Variants in XKR6 observed in about 807,000 individuals in gnomAD.
The protein encoded by XKR6 is XK related 6.
A neutral mutation model predicts 56.7 loss-of-function variants in XKR6; 22 were observed. The observed-to-expected ratio is 0.39, with a 90% CI of 0.28 to 0.55. The LOEUF (loss-of-function observed/expected upper bound fraction) is 0.55. Among genes scored for constraint, XKR6 ranks in the 20% least tolerant of loss-of-function variants. The pLI is 0.66. For synonymous variants in XKR6, 524 were observed against 387.8 expected (o/e 1.35, Z -4.13); for missense variants, 852 against 889.0 (o/e 0.96, Z 0.53).
At chr8:11,165,580 T>C (rs894877378) in intron 1 of XKR6, among the ~76,000 whole-genome samples, 9 of 152,148 alleles carry the variant, frequency 5.9e-5, no homozygotes, top group Admixed American at 3.9e-4. Flanking sequence ...AAACCATAAT[T>C]ATAATTTACT....
intron 1 of XKR6, among the ~76,000 whole-genome samples, chr8:11,172,117 T>A (rs1426149617): frequency 6.6e-6 from 1 of 151,178 alleles, no homozygotes; most frequent in Non-Finnish European, 1.5e-5. Flanking sequence ...AGACCTATAA[T>A]CCCAGCACGT....
intron 1 of XKR6, among the ~76,000 whole-genome samples, chr8:11,109,954 C>T (rs1336868169): frequency 2.6e-5 from 4 of 152,082 alleles, no homozygotes; most frequent in Admixed American, 2.0e-4. Context: ...TAAAAACCTA[C>T]TTAATGTTGT....
chr8:11,020,638 C>A (rs1798729447), intron 1 of XKR6, among the ~76,000 whole-genome samples: 1 of 152,202 alleles, frequency 6.6e-6, no homozygotes, highest in Admixed American at 6.5e-5. Flanking sequence ...TCCTTTCCCT[C>A]CTTTGGTCCT....
intron 1 of XKR6, among the ~76,000 whole-genome samples, chr8:11,162,690 T>C (rs981275575): frequency 1.3e-5 from 2 of 152,228 alleles, no homozygotes; most frequent in Non-Finnish European, 2.9e-5. Context: ...TAAAAATTTT[T>C]AAACATTCTT....
At chr8:11,040,712 A>G (rs1339561778) in intron 1 of XKR6, among the ~76,000 whole-genome samples, 1 of 152,152 alleles carries the variant, frequency 6.6e-6, no homozygotes, top group Non-Finnish European at 1.5e-5. Flanking sequence ...CACTAACACC[A>G]TCACTGGGCT....
At chr8:11,160,002 C>CTA (rs1318063854) in intron 1 of XKR6, among the ~76,000 whole-genome samples, 2 of 152,096 alleles carry the variant, frequency 1.3e-5, no homozygotes, top group African/African-American at 2.4e-5. Context: ...TCTGCACTAC[C>CTA]TATAGGAGCT....
At chr8:11,043,055 G>C (rs550501210) in intron 1 of XKR6, among the ~76,000 whole-genome samples, 135 of 152,310 alleles carry the variant, frequency 8.9e-4, no homozygotes, top group African/African-American at 3.0e-3. Flanking sequence ...GGCCCACCCA[G>C]AGGGGTCCTG....
chr8:11,118,356 T>C lies in XKR6; in HGVS notation c.764+82220A>G, dbSNP rs895540990. ...TTAGGGAGGATTCCCTCTTTTTCTA[T>C]TGATTGGAATAGTTTCAGAAGGAAT... On this transcript the variant is annotated intron_variant, in intron 1 of 2. Coordinates refer to ENST00000416569, the MANE Select transcript of XKR6 (RefSeq NM_173683.4). Among the ~76,000 whole-genome samples the C allele has an allele frequency of 3.2e-4, 49 of 152,342 alleles. 1 individual carries two copies. Among genetic ancestry groups the C allele is most frequent in the African/African-American group, 1.1e-3 (46 of 41,582 alleles).
chr8:11,175,730 T>G (rs1364465975), intron 1 of XKR6, among the ~76,000 whole-genome samples: 1 of 152,220 alleles, frequency 6.6e-6, no homozygotes, highest in Non-Finnish European at 1.5e-5. Context: ...CAGTATATGA[T>G]TTTTAAAGCC....
At chr8:10,973,139 A>G (rs1563320848) in intron 1 of XKR6, among the ~76,000 whole-genome samples, 1 of 152,262 alleles carries the variant, frequency 6.6e-6, no homozygotes, top group Non-Finnish European at 1.5e-5. Context: ...ATAGGACTAG[A>G]GTTTTAATTA....
At chr8:11,038,426 G>C (rs1799200048) in intron 1 of XKR6, among the ~76,000 whole-genome samples, 1 of 152,048 alleles carries the variant, frequency 6.6e-6, no homozygotes, top group East Asian at 1.9e-4. Flanking sequence ...ATTGTGTGGA[G>C]AGGCACGAAT....
intron 1 of XKR6, among the ~76,000 whole-genome samples, chr8:11,071,342 G>T (rs13265533): frequency 6.6e-6 from 1 of 152,092 alleles, no homozygotes; most frequent in Non-Finnish European, 1.5e-5. Context: ...TGGGTTCAAG[G>T]GACTCTCGTG....
In XKR6 at chr8:10,914,950, C is replaced by G. The variant is rs1295695673; in HGVS notation, c.961+9684G>C. On this transcript the variant is annotated intron_variant, in intron 2 of 2. Transcript: ENST00000416569. ...TCTCAGGACACTGTCCTCCAGGTGT[C>G]TGTCAGCCTGGCCGCCTCCCCTCCT... Among the ~76,000 whole-genome samples the G allele has an allele frequency of 2.6e-5, 4 of 152,240 alleles. No individual in the cohort carries two copies. In the East Asian group the frequency reaches 7.7e-4, roughly 29 times the overall value.
chr8:10,947,047 G>T (rs1438079243), intron 1 of XKR6, among the ~76,000 whole-genome samples: 1 of 152,148 alleles, frequency 6.6e-6, no homozygotes, highest in Non-Finnish European at 1.5e-5. Flanking sequence ...CAGGAGGCAG[G>T]CATGGTGAGG....
At chr8:11,011,088 G>C (rs1586428705) in intron 1 of XKR6, among the ~76,000 whole-genome samples, 1 of 152,262 alleles carries the variant, frequency 6.6e-6, no homozygotes, top group African/African-American at 2.4e-5. Flanking sequence ...GGCCAGCTCA[G>C]TAACTTGCCT....
chr8:10,947,000 G>A (rs1043073489), intron 1 of XKR6, among the ~76,000 whole-genome samples: 3 of 152,190 alleles, frequency 2.0e-5, no homozygotes, highest in African/African-American at 7.2e-5. Flanking sequence ...GGGGAGGCCA[G>A]GCTGGACAGA....
intron 1 of XKR6, among the ~76,000 whole-genome samples, chr8:10,926,383 A>G (rs192469222): frequency 8.7e-4 from 132 of 152,324 alleles, no homozygotes; most frequent in African/African-American, 3.0e-3. Flanking sequence ...CCCGCTCACC[A>G]ACTGATGAGG....
intron 1 of XKR6, among the ~76,000 whole-genome samples, chr8:11,176,683 G>A (rs2117068546): frequency 6.6e-6 from 1 of 152,192 alleles, no homozygotes; most frequent in South Asian, 2.1e-4. Flanking sequence ...GTGTCATGGT[G>A]CCACAGCCTC....
intron 1 of XKR6, among the ~76,000 whole-genome samples, chr8:11,144,817 TA>T (rs909013215): frequency 2.1e-5 from 3 of 141,362 alleles, no homozygotes. Flanking sequence ...GTTCACATCC[TA>T]AACAAAGACA....
Sources: gnomAD v4.1 joint callset for allele counts (sites outside exome capture counted in the v4.1 genomes callset) on GRCh38, gnomAD v4.1.1 for gene constraint, MANE v1.5 for transcripts, NCBI Gene and HGNC (gene_info 2026-07-23, HGNC 2026-07-21) for gene names.